SLC66A2: variants seen among roughly 807,000 people sequenced by gnomAD.
SLC66A2 encodes solute carrier family 66 member 2, also known as PQ loop repeat containing 1.
In SLC66A2, 23 loss-of-function variants were observed where a neutral mutation model predicts 25.5. The observed-to-expected ratio is 0.90, with a 90% confidence interval of 0.65 to 1.28. The LOEUF (loss-of-function observed/expected upper bound fraction) is 1.28, where lower values mean the gene tolerates loss of function less well. Ranked by LOEUF, SLC66A2 falls within the 50% of genes most tolerant of loss-of-function variation. The pLI is 0.00. For synonymous variants in SLC66A2, 193 were observed against 166.5 expected (o/e 1.16, Z -1.23); for missense variants, 396 against 373.1 (o/e 1.06, Z -0.51).
rs1986142423 is a variant in SLC66A2, at chr18:79,927,772, C to G, written c.391+6197G>C. 3.3e-5 allele frequency among the ~76,000 whole-genome samples: 5 copies of G among 152,322 alleles called. No homozygotes were observed. In the South Asian group the frequency reaches 1.0e-3, roughly 32 times the overall value. Reference sequence around the variant, plus strand: ...CAAAGAGGACCCCGGGAAACAAACACCCTCCCACTCGGCAAGGACAAATCA... The same window carrying G: ...CAAAGAGGACCCCGGGAAACAAACAGCCTCCCACTCGGCAAGGACAAATCA... On this transcript the variant is annotated intron_variant, in intron 4 of 5. Coordinates refer to ENST00000397778, the MANE Select transcript of SLC66A2 (RefSeq NM_025078.5). The surrounding 1 kb of genome is among the most constrained non-coding windows in gnomAD (Gnocchi z 6.2).
intron 5 of SLC66A2, among the ~76,000 whole-genome samples, chr18:79,907,069 T>C (rs1982223821): frequency 6.6e-6 from 1 of 152,248 alleles, no homozygotes; most frequent in South Asian, 2.1e-4. Context: ...AGACTTCAAT[T>C]GAGTTTGCTG....
chr18:79,911,829 A>ACGGGGACAGGAGCAGGG (rs1568295953), intron 5 of SLC66A2, among the ~76,000 whole-genome samples: 1 of 105,012 alleles, frequency 9.5e-6, no homozygotes, highest in Non-Finnish European at 1.9e-5. Context: ...ATGGAGCAGG[A>ACGGGGACAGGAGCAGGG]AGGGGACAGG....
chr18:79,939,763 AC>A (rs34865134), intron 3 of SLC66A2, among the ~76,000 whole-genome samples: 55,913 of 151,986 alleles, frequency 0.37, 10,950 homozygotes, highest in Middle Eastern at 0.49. Flanking sequence ...AGGAACACTT[AC>A]ATACTGTTGG....
At position 79,910,079 on chromosome 18, in the gene SLC66A2, C is replaced by T. The variant is rs573621461; in HGVS notation, c.609-5896G>A. ...GAGTCCCCAGCCTTCCCCACCATCT[C>T]ACCAGTCTCCAACCTTCCCCACACC... On this transcript the variant is annotated intron_variant, in intron 5 of 5. Transcript: ENST00000397778. 4.3e-5 allele frequency among the ~76,000 whole-genome samples: 6 copies of T among 140,378 alleles called. No individual in the cohort carries two copies. The South Asian group carries it at 1.2e-3, about 28-fold the overall frequency. 92.1% of individuals were successfully genotyped at this position (140,378 alleles called of 152,430 possible). A position where few individuals can be genotyped will look rare whatever the true frequency, so the allele number is the denominator to read the frequency against.
intron 4 of SLC66A2, among the ~76,000 whole-genome samples, chr18:79,922,609 T>C (rs529580196): frequency 6.6e-6 from 1 of 151,998 alleles, no homozygotes; most frequent in African/African-American, 2.4e-5. Flanking sequence ...ATAAGCACTC[T>C]CAGAAATTAG....
Position 79,917,132 on chromosome 18 carries a change from C to T in SLC66A2, c.608+2052G>A, listed in dbSNP as rs993754108. ...CCACAGGCGTTTCTGGAGCCTTCCC[C>T]GTGTGTGAGAAGAGCAGACCTCAGG... On this transcript the variant is annotated intron_variant, in intron 5 of 5. Coordinates refer to ENST00000397778, the MANE Select transcript of SLC66A2 (RefSeq NM_025078.5). This position sits in a 1 kb window ranked among gnomAD's most constrained non-coding sequence, Gnocchi z 6.0. Among the ~76,000 whole-genome samples, 1 of 152,258 alleles carries T rather than the reference C, an allele frequency of 6.6e-6. No homozygotes were observed. Among genetic ancestry groups the T allele is most frequent in the East Asian group, 1.9e-4 (1 of 5,200 alleles).
chr18:79,943,334 A>AAGGAGC lies in SLC66A2; in HGVS notation c.326_331dup (p.Ser110_Phe111insCysSer). ...CCGAAGCGCCGGCCACCAACCTGTA[A>AAGGAGC]AGGAGCGGCGCCTGGCGTTGAGCTC... On this transcript the variant is annotated inframe_insertion, in exon 3 of 6. Coordinates refer to ENST00000397778, the MANE Select transcript of SLC66A2 (RefSeq NM_025078.5). The AAGGAGC allele has an allele frequency of 6.2e-7, 1 of 1,613,974 alleles. No homozygotes were observed. Among genetic ancestry groups the AAGGAGC allele is most frequent in the Non-Finnish European group, 8.5e-7 (1 of 1,179,946 alleles).
At chr18:79,946,891 G>C (rs552150334) in intron 2 of SLC66A2, among the ~76,000 whole-genome samples, 1 of 152,186 alleles carries the variant, frequency 6.6e-6, no homozygotes, top group African/African-American at 2.4e-5. Context: ...CTTGAACCCG[G>C]GAGGCGGTGG....
At position 79,903,896 on chromosome 18, in the gene SLC66A2, A is replaced by G. The variant is rs13745; in HGVS notation, c.*80T>C. On this transcript the variant is annotated 3_prime_UTR_variant, in exon 6 of 6. Coordinates refer to ENST00000397778, the MANE Select transcript of SLC66A2 (RefSeq NM_025078.5). ...TCTCTGCCACACCTGCAGGGGCCAC[A>G]GCACCCACCCTCCCCGCGGGGAGGT... 1,129,834 of 1,347,504 alleles carry G rather than the reference A, an allele frequency of 0.84. 480,665 individuals carry two copies. Among genetic ancestry groups the G allele is most frequent in the South Asian group, 0.93 (70,187 of 75,496 alleles). 83.5% of individuals were successfully genotyped at this position (1,347,504 alleles called of 1,614,324 possible). A position where few individuals can be genotyped will look rare whatever the true frequency, so the allele number is the denominator to read the frequency against.
rs141928686 is a variant in SLC66A2, at chr18:79,933,878, G to T, written c.391+91C>A. On this transcript the variant is annotated intron_variant, in intron 4 of 5. Coordinates refer to ENST00000397778, the MANE Select transcript of SLC66A2 (RefSeq NM_025078.5). ...CTTGGTAAAGATGACGCACGCACAT[G>T]CACAGATGGAAGCAACAACAGGAGG... The T allele has an allele frequency of 9.6e-6, 11 of 1,148,528 alleles. No homozygotes were observed. In the African/African-American group the frequency reaches 1.4e-4, roughly 14 times the overall value. 71.1% of individuals were successfully genotyped at this position (1,148,528 alleles called of 1,614,324 possible).
chr18:79,919,063 G>A (rs1366063936), intron 5 of SLC66A2, 121 bp downstream of exon 5: 4 of 892,770 alleles, frequency 4.5e-6, no homozygotes, highest in Non-Finnish European at 6.9e-6. Flanking sequence ...TTAACCGGCA[G>A]CTTCACAGGT....
chr18:79,926,012 C>T (rs1420423718), intron 4 of SLC66A2, among the ~76,000 whole-genome samples: 1 of 152,206 alleles, frequency 6.6e-6, no homozygotes, highest in Non-Finnish European at 1.5e-5. Context: ...CCCACCAAAA[C>T]CAAGACGGCC....
Position 79,933,618 on chromosome 18 carries a change from GAA to G in SLC66A2, c.391+349_391+350del, listed in dbSNP as rs1310600679. ...AATGAAGCAGCAGAACTGAAATTAA[GAA>G]AACAATTCCATTTACAATAGCATCA... On this transcript the variant is annotated intron_variant, in intron 4 of 5. Transcript: ENST00000397778. Among the ~76,000 whole-genome samples the G allele has an allele frequency of 7.2e-5, 11 of 152,248 alleles. No homozygotes were observed. In the East Asian group the frequency reaches 2.1e-3, roughly 29 times the overall value.
Position 79,950,891 on chromosome 18 carries a change from T to C in SLC66A2, c.36A>G (p.Pro12=), listed in dbSNP as rs1421297347. The C allele has an allele frequency of 6.3e-7, 1 of 1,597,864 alleles. No individual in the cohort carries two copies. Among genetic ancestry groups the C allele is most frequent in the Non-Finnish European group, 8.5e-7 (1 of 1,173,562 alleles). Residue 12 remains proline, a synonymous_variant, in exon 2 of 6, where the codon CCA becomes CCG. Transcript: ENST00000397778. The part of the protein sequence containing the change: ...EAEGLDWLLV[P]LHQLVSWGAA... Reference sequence around the variant, plus strand: ...CGCCCCAGGACACCAGCTGGTGCAGTGGCACCAGGAGCCAGTCCAGGCCCT... The same window carrying C: ...CGCCCCAGGACACCAGCTGGTGCAGCGGCACCAGGAGCCAGTCCAGGCCCT...
chr18:79,933,946 C>T, intron 4 of SLC66A2, 23 bp downstream of exon 4: 1 of 1,605,406 alleles, frequency 6.2e-7, no homozygotes, highest in Non-Finnish European at 8.5e-7. Flanking sequence ...GTGCTGCGGA[C>T]AGTGCACGCG....
At chr18:79,936,478 T>C (rs1179451613) in intron 3 of SLC66A2, among the ~76,000 whole-genome samples, 2 of 152,172 alleles carry the variant, frequency 1.3e-5, no homozygotes, top group African/African-American at 4.8e-5. Context: ...ACTATCTAAT[T>C]TCAGGACATC....
Position 79,904,227 on chromosome 18 carries a change from A to G in SLC66A2, c.609-44T>C. Reference sequence around the variant, plus strand: ...GCGGTCAGCGGTGGGGAGGGCGGCGACCTGGGCTCAGTCAGTGGGGAGGCC... The same window carrying G: ...GCGGTCAGCGGTGGGGAGGGCGGCGGCCTGGGCTCAGTCAGTGGGGAGGCC... On this transcript the variant is annotated intron_variant, in intron 5 of 5. Transcript: ENST00000397778. The surrounding 1 kb of genome is among the most constrained non-coding windows in gnomAD (Gnocchi z 6.3). 6.4e-7 allele frequency: 1 copy of G among 1,567,636 alleles called. No individual in the cohort carries two copies. Among genetic ancestry groups the G allele is most frequent in the Middle Eastern group, 1.7e-4 (1 of 5,790 alleles).
rs1044387282 is a variant in SLC66A2 at position 79,927,613 on chromosome 18, C to T, written c.391+6356G>A. ...AGACGACACAGCTGGGGCCAGAGGA[C>T]GACGCAGAGAGACCCACATCAGAGA... On this transcript the variant is annotated intron_variant, in intron 4 of 5. Coordinates refer to ENST00000397778, the MANE Select transcript of SLC66A2 (RefSeq NM_025078.5). This position sits in a 1 kb window ranked among gnomAD's most constrained non-coding sequence, Gnocchi z 6.2. Among the ~76,000 whole-genome samples the T allele has an allele frequency of 1.3e-5, 2 of 152,078 alleles. No homozygotes were observed. Among genetic ancestry groups the T allele is most frequent in the African/African-American group, 4.8e-5 (2 of 41,418 alleles).
At chr18:79,928,820 C>T (rs1047355297) in intron 4 of SLC66A2, among the ~76,000 whole-genome samples, 2 of 152,074 alleles carry the variant, frequency 1.3e-5, no homozygotes, top group Non-Finnish European at 2.9e-5. Context: ...CCACCCATGG[C>T]GCAGGGGCAG....
Sources: allele counts gnomAD v4.1 joint callset (sites outside exome capture counted in the v4.1 genomes callset), GRCh38; gene constraint gnomAD v4.1.1; non-coding constraint Gnocchi (gnomAD v3.1); transcripts MANE v1.5; gene names NCBI Gene and HGNC (gene_info 2026-07-23, HGNC 2026-07-21).